RALB: variants seen among roughly 807,000 people sequenced by gnomAD.
The protein encoded by RALB is RAS like proto-oncogene B, also known as ras-related protein Ral-B.
In RALB, 16 loss-of-function variants were observed where a neutral mutation model predicts 21.3. The observed-to-expected ratio is 0.75, with a 90% CI of 0.51 to 1.14. The LOEUF is 1.14. Ranked by LOEUF, RALB falls within the 50% of genes most tolerant of loss-of-function variation. RALB has a pLI of 0.00. For synonymous variants in RALB, 93 were observed against 96.1 expected, an observed-to-expected ratio of 0.97 and a Z score of 0.19; for missense variants, 161 against 256.2, an observed-to-expected ratio of 0.63 and a Z score of 2.54.
intron 1 of RALB, among the ~76,000 whole-genome samples, chr2:120,255,118 G>A (rs1269376590): frequency 6.6e-6 from 1 of 152,210 alleles, no homozygotes; most frequent in Non-Finnish European, 1.5e-5. Context: ...TGGAGACAAT[G>A]TAAGACTAGA....
At position 120,284,695 on chromosome 2, in the gene RALB, A is replaced by G. The variant is rs542550958; in HGVS notation, c.115-1179A>G. Among the ~76,000 whole-genome samples the G allele has an allele frequency of 2.0e-5, 3 of 152,302 alleles. No homozygotes were observed. The South Asian group carries it at 6.2e-4, about 32-fold the overall frequency. On this transcript the variant is annotated intron_variant, in intron 2 of 4. Transcript: ENST00000272519. ...TAATAGGTTTTTTTTGTATATTCAT[A>G]CAGATGTGCAACCATCACCATTATC...
In RALB at chr2:120,260,154, C is replaced by T. The variant is rs1364196213; in HGVS notation, c.-48+7174C>T. On this transcript the variant is annotated intron_variant, in intron 1 of 4. Coordinates refer to ENST00000272519, the MANE Select transcript of RALB (RefSeq NM_002881.3). ...TCTCCCTCCACACCTCCCTGCAAGCCGAGGGAGTGGGCTCCGGCCTTGGCC... is the reference window on the plus strand; with the variant it reads ...TCTCCCTCCACACCTCCCTGCAAGCTGAGGGAGTGGGCTCCGGCCTTGGCC... Among the ~76,000 whole-genome samples the T allele has an allele frequency of 3.9e-5, 6 of 152,224 alleles. No homozygotes were observed. In the South Asian group the frequency reaches 6.2e-4, roughly 16 times the overall value.
intron 1 of RALB, among the ~76,000 whole-genome samples, chr2:120,263,049 C>T (rs1689410264): frequency 6.6e-6 from 1 of 152,148 alleles, no homozygotes; most frequent in African/African-American, 2.4e-5. Flanking sequence ...AGGGGGACTG[C>T]GTCTGAGCAA....
intron 2 of RALB, among the ~76,000 whole-genome samples, chr2:120,283,887 G>A (rs1690057483): frequency 6.6e-6 from 1 of 152,190 alleles, no homozygotes; most frequent in Admixed American, 6.5e-5. Context: ...TAAACATCAG[G>A]GTTGTAATGG....
chr2:120,246,809 G>A (rs1688977753), intron 1 of RALB, among the ~76,000 whole-genome samples: 1 of 152,170 alleles, frequency 6.6e-6, no homozygotes, highest in South Asian at 2.1e-4. Context: ...GAGAGCCTGT[G>A]GCTGAGTGCA....
rs141318974 is a variant in RALB at position 120,241,884 on chromosome 2, A to G, written c.19+1759A>G. ...ATGGTTCCTCAAAAAATGAAGCAGA[A>G]TTAACATAAGATCTGGCAGTTCCAC... On this transcript the variant is annotated intron_variant, in intron 1 of 3. Coordinates refer to the RALB transcript ENST00000447591. Among the ~76,000 whole-genome samples, 22 of 152,374 alleles carry G rather than the reference A, an allele frequency of 1.4e-4. No individual in the cohort carries two copies. In the East Asian group the frequency reaches 4.2e-3, roughly 29 times the overall value.
chr2:120,241,071 G>A (rs920990625), intron 1 of RALB, among the ~76,000 whole-genome samples: 3 of 152,186 alleles, frequency 2.0e-5, no homozygotes, highest in Non-Finnish European at 4.4e-5. Flanking sequence ...GCTGACGGAC[G>A]GGTTAACTTG....
At chr2:120,252,664 T>G, upstream of RALB, 1 of 493,826 alleles carries the variant, frequency 2.0e-6, no homozygotes, top group Non-Finnish European at 2.6e-6. Context: ...CGCCCCCCCG[T>G]GCCTGGGGCA....
intron 1 of RALB, among the ~76,000 whole-genome samples, chr2:120,244,241 G>A (rs72611962): frequency 0.094 from 14,323 of 152,242 alleles, 1,475 homozygotes; most frequent in East Asian, 0.4. Context: ...TTCCACATGA[G>A]ATTTGGGTGG....
intron 1 of RALB, among the ~76,000 whole-genome samples, chr2:120,258,103 T>C (rs1051257307): frequency 3.3e-5 from 5 of 152,212 alleles, no homozygotes; most frequent in Admixed American, 6.5e-5. Context: ...GTAGCCAGAA[T>C]TACCTTTTCA....
At chr2:120,285,792 G>C in intron 2 of RALB, 82 bp from the exon 3 acceptor site, 2 of 1,074,118 alleles carry the variant, frequency 1.9e-6, no homozygotes, top group Non-Finnish European at 2.8e-6. Flanking sequence ...AGTGTGAAGT[G>C]CCCATATGTG....
intron 1 of RALB, chr2:120,240,169 A>G (rs1688868908): frequency 7.8e-7 from 1 of 1,289,370 alleles, no homozygotes; most frequent in Non-Finnish European, 1.0e-6. Flanking sequence ...GAAGCCCCAC[A>G]GTGACCTTGT....
chr2:120,240,910 A>C (rs1688883701), intron 1 of RALB, among the ~76,000 whole-genome samples: 1 of 152,178 alleles, frequency 6.6e-6, no homozygotes. Context: ...TTGGGTAGAC[A>C]GAGAGAGCTG....
upstream of RALB, among the ~76,000 whole-genome samples, chr2:120,248,866 C>T (rs935812697): frequency 3.9e-5 from 6 of 151,986 alleles, no homozygotes; most frequent in Non-Finnish European, 8.8e-5. Context: ...AATGGGGTCT[C>T]GCCATGTTGC....
chr2:120,268,859 G>A (rs961997576), intron 1 of RALB, among the ~76,000 whole-genome samples: 4 of 152,144 alleles, frequency 2.6e-5, no homozygotes, highest in African/African-American at 9.7e-5. Context: ...GGAAAGAAAA[G>A]AAGGAAAGTC....
intron 1 of RALB, among the ~76,000 whole-genome samples, chr2:120,244,861 C>G (rs1688945962): frequency 6.6e-6 from 1 of 152,218 alleles, no homozygotes; most frequent in Admixed American, 6.5e-5. Context: ...ACACCAGCCA[C>G]TCTAGGAAAG....
At chr2:120,284,620 G>C (rs891239636) in intron 2 of RALB, among the ~76,000 whole-genome samples, 4 of 152,032 alleles carry the variant, frequency 2.6e-5, no homozygotes, top group Non-Finnish European at 5.9e-5. Context: ...GGCTGGTCTC[G>C]AACTCCTGAC....
At chr2:120,276,723 A>T (rs1184916942) in intron 1 of RALB, among the ~76,000 whole-genome samples, 2 of 152,174 alleles carry the variant, frequency 1.3e-5, no homozygotes, top group Non-Finnish European at 2.9e-5. Context: ...ATGGAAAACA[A>T]CATTGGTTCA....
chr2:120,267,448 G>A (rs1401082475), intron 1 of RALB, among the ~76,000 whole-genome samples: 2 of 152,170 alleles, frequency 1.3e-5, no homozygotes, highest in African/African-American at 4.8e-5. Flanking sequence ...TCCATTCCCT[G>A]GTGCTAATTA....
Sources: gnomAD v4.1 joint callset for allele counts (sites outside exome capture counted in the v4.1 genomes callset) on GRCh38, gnomAD v4.1.1 for gene constraint, MANE v1.5 for transcripts, NCBI Gene and HGNC (gene_info 2026-07-23, HGNC 2026-07-21) for gene names.